ANK3: variants seen among roughly 807,000 people sequenced by gnomAD.
ANK3 encodes the protein ankyrin-3.
ANK3 carries 57 observed loss-of-function variants against 370.9 expected under a neutral mutation model. The observed-to-expected ratio is 0.15, with a 90% CI of 0.12 to 0.19. ANK3 has a LOEUF of 0.19. ANK3 is among the 10% of genes least tolerant of loss of function. ANK3 has a pLI of 1.00. For missense variants in ANK3, 4,439 were observed against 5,302.1 expected, an observed-to-expected ratio of 0.84 and a Z score of 5.06; for synonymous variants, 1,929 against 1,946.3, an observed-to-expected ratio of 0.99 and a Z score of 0.23.
intron 36 of ANK3, among the ~76,000 whole-genome samples, chr10:60,078,042 G>A (rs2084243394): frequency 2.0e-5 from 3 of 152,212 alleles, no homozygotes; most frequent in African/African-American, 7.2e-5. Flanking sequence ...TGCAAGGCCT[G>A]CCAACGGCTA....
At chr10:60,427,070 G>A (rs1016052575) in intron 2 of ANK3, among the ~76,000 whole-genome samples, 7 of 152,236 alleles carry the variant, frequency 4.6e-5, no homozygotes, top group African/African-American at 1.4e-4. Context: ...TAAAGAAGGT[G>A]TTATCACATG....
intron 1 of ANK3, among the ~76,000 whole-genome samples, chr10:60,282,304 G>A (rs1008200807): frequency 2.0e-5 from 3 of 152,100 alleles, no homozygotes; most frequent in Admixed American, 6.6e-5. Context: ...TGAATTGATC[G>A]CATATCTGGA....
At chr10:60,354,395 G>A (rs1250491316) in intron 1 of ANK3, among the ~76,000 whole-genome samples, 1 of 152,202 alleles carries the variant, frequency 6.6e-6, no homozygotes, top group Non-Finnish European at 1.5e-5. Flanking sequence ...AAAGACACAA[G>A]ATGGATTACA....
intron 2 of ANK3, among the ~76,000 whole-genome samples, chr10:60,576,142 A>G (rs1164361720): frequency 1.3e-5 from 2 of 152,198 alleles, no homozygotes; most frequent in African/African-American, 4.8e-5. Context: ...CATGGAAAAT[A>G]TCAATTTGGA....
intron 2 of ANK3, among the ~76,000 whole-genome samples, chr10:60,582,641 T>C (rs959485428): frequency 6.7e-6 from 1 of 149,468 alleles, no homozygotes; most frequent in African/African-American, 2.4e-5. Context: ...TTCCGATTCC[T>C]AAAATATATT....
chr10:60,372,256 T>C (rs2060198552), intron 1 of ANK3, among the ~76,000 whole-genome samples: 1 of 152,204 alleles, frequency 6.6e-6, no homozygotes, highest in African/African-American at 2.4e-5. Context: ...AAAACAACTG[T>C]GACTTTGGCC....
In ANK3 at chr10:60,270,215, T is replaced by C. The variant is rs776144867; in HGVS notation, c.429A>G (p.Pro143=). 32 of 1,590,762 alleles carry C rather than the reference T, an allele frequency of 2.0e-5. No homozygotes were observed. Among genetic ancestry groups the C allele is most frequent in the South Asian group, 1.5e-4 (13 of 86,974 alleles). The part of the protein sequence containing the change: ...VNAQSQNGFT[P]LYMAAQENHL... Reference sequence around the variant, plus strand: ...GATTTTCCTGGGCTGCCATATACAATGGCGTGAAACCATTCTGCAAAATAA... The same window carrying C: ...GATTTTCCTGGGCTGCCATATACAACGGCGTGAAACCATTCTGCAAAATAA... Residue 143 remains proline (P), a synonymous_variant, in exon 5 of 44, where the codon CCA becomes CCG. Coordinates refer to ENST00000280772, the MANE Select transcript of ANK3 (RefSeq NM_020987.5).
At chr10:60,699,678 A>C (rs2079520213) in intron 1 of ANK3, among the ~76,000 whole-genome samples, 1 of 152,102 alleles carries the variant, frequency 6.6e-6, no homozygotes, top group Admixed American at 6.5e-5. Context: ...AATTCCATAC[A>C]GGAAGAGGAA....
chr10:60,250,926 T>C (rs987879896), intron 7 of ANK3, among the ~76,000 whole-genome samples: 2 of 152,244 alleles, frequency 1.3e-5, no homozygotes, highest in East Asian at 1.9e-4. Flanking sequence ...GTGATGATAT[T>C]GGATTACGTC....
At chr10:60,145,171 C>T (rs1044365929) in intron 23 of ANK3, among the ~76,000 whole-genome samples, 7 of 152,008 alleles carry the variant, frequency 4.6e-5, no homozygotes, top group African/African-American at 1.7e-4. Context: ...ACAGAATCTC[C>T]CATTATAAAG....
intron 2 of ANK3, among the ~76,000 whole-genome samples, chr10:60,493,834 A>G (rs2075587201): frequency 6.6e-6 from 1 of 152,216 alleles, no homozygotes; most frequent in Non-Finnish European, 1.5e-5. Context: ...AGTAAGAATG[A>G]GAGATTCTCA....
At chr10:60,448,260 T>A (rs2064503764) in intron 2 of ANK3, among the ~76,000 whole-genome samples, 1 of 152,156 alleles carries the variant, frequency 6.6e-6, no homozygotes, top group Non-Finnish European at 1.5e-5. Flanking sequence ...TCAGAGAGAC[T>A]CCGAGCACTG....
At position 60,365,342 on chromosome 10, in the gene ANK3, A is replaced by G. The variant is rs1053680201; in HGVS notation, c.114+24083T>C. The stretch of plus-strand genomic sequence containing the variant: ...AGATTACTCCCAAATTCCACTTTAA[A>G]TTCTATTAATCCAAATCTGATAACA... On this transcript the variant is annotated intron_variant, in intron 1 of 43. Transcript: ENST00000280772. 2.0e-5 allele frequency among the ~76,000 whole-genome samples: 3 copies of G among 152,112 alleles called. No individual in the cohort carries two copies. In the East Asian group the frequency reaches 5.8e-4, roughly 29 times the overall value.
chr10:60,517,286 C>T (rs1159320583), intron 2 of ANK3, among the ~76,000 whole-genome samples: 1 of 152,092 alleles, frequency 6.6e-6, no homozygotes, highest in African/African-American at 2.4e-5. Flanking sequence ...TGGTCTCAAA[C>T]TCATGACCTC....
chr10:60,558,975 T>C (rs2077272364), intron 2 of ANK3, among the ~76,000 whole-genome samples: 1 of 152,218 alleles, frequency 6.6e-6, no homozygotes. Flanking sequence ...GCAAAAATTC[T>C]GACTTGGGAG....
chr10:60,349,776 C>T (rs1400798140), intron 1 of ANK3, among the ~76,000 whole-genome samples: 1 of 152,142 alleles, frequency 6.6e-6, no homozygotes, highest in African/African-American at 2.4e-5. Context: ...GTTCTCCCTT[C>T]TAATAGGCAC....
chr10:60,192,199 T>C (rs2096494850), intron 16 of ANK3, among the ~76,000 whole-genome samples: 1 of 152,038 alleles, frequency 6.6e-6, no homozygotes, highest in Non-Finnish European at 1.5e-5. Context: ...GCCTATTTTA[T>C]TTGTTTTTAT....
At chr10:60,090,470 C>T (rs1249677453) in intron 28 of ANK3, among the ~76,000 whole-genome samples, 1 of 151,942 alleles carries the variant, frequency 6.6e-6, no homozygotes, top group Non-Finnish European at 1.5e-5. Flanking sequence ...TAAAGATTTC[C>T]ATGACAAAAA....
At chr10:60,067,263 C>T (rs1055097543) in intron 38 of ANK3, among the ~76,000 whole-genome samples, 2 of 152,216 alleles carry the variant, frequency 1.3e-5, no homozygotes, top group Non-Finnish European at 2.9e-5. Flanking sequence ...TTTTAAAAAT[C>T]ACATTTAAAA....
Sources: allele counts gnomAD v4.1 joint callset (sites outside exome capture counted in the v4.1 genomes callset), GRCh38; gene constraint gnomAD v4.1.1; transcripts MANE v1.5; gene names NCBI Gene and HGNC (gene_info 2026-07-23, HGNC 2026-07-21).